SEMA3A: variants seen among roughly 807,000 people sequenced by gnomAD.
SEMA3A encodes semaphorin 3A.
A neutral mutation model predicts 97.9 loss-of-function variants in SEMA3A; 29 were observed. The observed-to-expected ratio is 0.30, with a 90% CI of 0.22 to 0.40. The LOEUF is 0.40. Ranked by LOEUF, SEMA3A falls within the 10% of genes least tolerant of loss-of-function variation. The pLI, the probability that SEMA3A is intolerant of heterozygous loss-of-function variation, is 1.00. For missense variants in SEMA3A, 763 were observed against 951.3 expected, an observed-to-expected ratio of 0.80 and a Z score of 2.60; for synonymous variants, 321 against 323.7, an observed-to-expected ratio of 0.99 and a Z score of 0.09.
At chr7:84,255,912 CT>C (rs1397401102) in intron 3 of SEMA3A, among the ~76,000 whole-genome samples, 4 of 148,116 alleles carry the variant, frequency 2.7e-5, no homozygotes, top group Admixed American at 6.6e-5. Context: ...GCGTCTATCA[CT>C]TTTTAATTCA....
intron 2 of SEMA3A, among the ~76,000 whole-genome samples, chr7:84,358,141 T>C (rs1170263150): frequency 6.6e-6 from 1 of 152,226 alleles, no homozygotes; most frequent in African/African-American, 2.4e-5. Context: ...TTTAGTTTAA[T>C]TTGATCCCAT....
At chr7:84,459,654 G>A (rs1805773879) in intron 1 of SEMA3A, among the ~76,000 whole-genome samples, 2 of 152,212 alleles carry the variant, frequency 1.3e-5, no homozygotes, top group South Asian at 2.1e-4. Context: ...TTCAATAAAG[G>A]TTTTATGATT....
At chr7:84,266,332 A>G (rs978171168) in intron 3 of SEMA3A, among the ~76,000 whole-genome samples, 17 of 151,546 alleles carry the variant, frequency 1.1e-4, no homozygotes, top group Middle Eastern at 6.8e-3. Context: ...AAAAAAAAAA[A>G]AAAAAGAAAA....
intron 1 of SEMA3A, among the ~76,000 whole-genome samples, chr7:84,484,261 G>T (rs969326173): frequency 1.3e-5 from 2 of 152,034 alleles, no homozygotes; most frequent in Non-Finnish European, 2.9e-5. Flanking sequence ...AAAATGTAGT[G>T]TTCTTATAGT....
intron 1 of SEMA3A, among the ~76,000 whole-genome samples, chr7:84,466,111 C>T (rs1805987800): frequency 6.6e-6 from 1 of 152,074 alleles, no homozygotes; most frequent in Non-Finnish European, 1.5e-5. Context: ...AATCAAAATG[C>T]AACTTAGTTT....
chr7:84,357,443 T>C (rs890554405), intron 2 of SEMA3A, among the ~76,000 whole-genome samples: 1 of 152,108 alleles, frequency 6.6e-6, no homozygotes, highest in African/African-American at 2.4e-5. Context: ...GCTTCATCCA[T>C]GTCCCTACAA....
Position 84,424,699 on chromosome 7 carries a change from T to C in SEMA3A, c.-245-52799A>G, listed in dbSNP as rs1453790867. ...AATATATAAATATATAATATATTGATATCAATATATAATATATAAATTATT... is the reference window on the plus strand; with the variant it reads ...AATATATAAATATATAATATATTGACATCAATATATAATATATAAATTATT... On this transcript the variant is annotated intron_variant, in intron 1 of 3. Coordinates refer to the SEMA3A transcript ENST00000424555. 1.0e-3 allele frequency among the ~76,000 whole-genome samples: 64 copies of C among 62,542 alleles called. 1 individual carries two copies. Among genetic ancestry groups the C allele is most frequent in the African/African-American group, 5.3e-3 (55 of 10,460 alleles). The allele number at this position is 62,542 out of a possible 152,430, so 41.0% of individuals were successfully genotyped here. A position where few individuals can be genotyped will look rare whatever the true frequency, so the allele number is the denominator to read the frequency against.
At chr7:83,966,295 G>A (rs1159103580) in intron 15 of SEMA3A, among the ~76,000 whole-genome samples, 1 of 152,144 alleles carries the variant, frequency 6.6e-6, no homozygotes, top group Non-Finnish European at 1.5e-5. Context: ...ATAAGATGGT[G>A]TTTGATTTAG....
chr7:83,975,609 T>C (rs541425612), intron 15 of SEMA3A, among the ~76,000 whole-genome samples: 1 of 152,288 alleles, frequency 6.6e-6, no homozygotes, highest in Admixed American at 6.5e-5. Context: ...CTCATAATGT[T>C]GTATTGATAT....
At chr7:84,116,197 TTATAA>T (rs1485545082) in intron 3 of SEMA3A, among the ~76,000 whole-genome samples, 1 of 152,160 alleles carries the variant, frequency 6.6e-6, no homozygotes, top group East Asian at 1.9e-4. Flanking sequence ...TGTTTTATAG[TTATAA>T]TATAAAATAT....
intron 1 of SEMA3A, among the ~76,000 whole-genome samples, chr7:84,152,369 A>G (rs1796699328): frequency 1.4e-5 from 2 of 140,892 alleles, no homozygotes; most frequent in Admixed American, 1.4e-4. Flanking sequence ...GCCATAAAAA[A>G]TGATGAGTTC....
Position 84,113,608 on chromosome 7 carries a change from G to T in SEMA3A, c.334-3019C>A, listed in dbSNP as rs528906277. Among the ~76,000 whole-genome samples the T allele has an allele frequency of 2.0e-5, 3 of 152,256 alleles. No individual in the cohort carries two copies. The East Asian group carries it at 5.8e-4, about 29-fold the overall frequency. ...TGCTCAGCACTGGAGGATTTACAAT[G>T]TAATAAAGAGAGTGGAATCAGTTCA... On this transcript the variant is annotated intron_variant, in intron 3 of 16. Transcript: ENST00000265362.
chr7:83,991,071 C>T (rs1789904495), intron 12 of SEMA3A, among the ~76,000 whole-genome samples: 1 of 149,682 alleles, frequency 6.7e-6, no homozygotes, highest in Non-Finnish European at 1.5e-5. Flanking sequence ...ATTTTATTCT[C>T]TTTGAAGCAA....
intron 1 of SEMA3A, among the ~76,000 whole-genome samples, chr7:84,490,495 A>T (rs1365378952): frequency 6.6e-6 from 1 of 152,164 alleles, no homozygotes; most frequent in East Asian, 1.9e-4. Context: ...AAGTTAACTG[A>T]AACTTAGGCA....
chr7:84,435,571 G>A (rs945083174), intron 1 of SEMA3A, among the ~76,000 whole-genome samples: 2 of 152,174 alleles, frequency 1.3e-5, no homozygotes, highest in Admixed American at 6.5e-5. Context: ...TCGGGCCAAT[G>A]CCCTCCAGCC....
At chr7:84,264,622 C>A (rs1799945102) in intron 3 of SEMA3A, among the ~76,000 whole-genome samples, 1 of 152,112 alleles carries the variant, frequency 6.6e-6, no homozygotes, top group Non-Finnish European at 1.5e-5. Context: ...AATCAATGCC[C>A]TGGAGCATTA....
Position 83,984,698 on chromosome 7 carries a change from TTAAAACTA to T in SEMA3A, c.1494+730_1494+737del, listed in dbSNP as rs1013365501. 5.9e-4 allele frequency among the ~76,000 whole-genome samples: 84 copies of T among 143,140 alleles called. 1 individual carries two copies. The highest frequency in any genetic ancestry group is 2.1e-3 in the African/African-American group (80 of 38,916). 93.9% of individuals were successfully genotyped at this position (143,140 alleles called of 152,430 possible). On this transcript the variant is annotated intron_variant, in intron 13 of 16. Coordinates refer to ENST00000265362, the MANE Select transcript of SEMA3A (RefSeq NM_006080.3). The stretch of plus-strand genomic sequence containing the variant: ...ACATTTATGGAGAAAATATTAGACA[TTAAAACTA>T]TATTTGTTTACACATATTACACAGT...
At chr7:84,239,108 TAA>T (rs960391552) in intron 3 of SEMA3A, among the ~76,000 whole-genome samples, 26 of 152,274 alleles carry the variant, frequency 1.7e-4, no homozygotes, top group Non-Finnish European at 3.1e-4. Flanking sequence ...AATATTAAAA[TAA>T]GTTTTTAAAA....
chr7:84,387,431 G>GGGAT (rs1803428570), intron 1 of SEMA3A, among the ~76,000 whole-genome samples: 1 of 152,156 alleles, frequency 6.6e-6, no homozygotes, highest in South Asian at 2.1e-4. Flanking sequence ...TAGCGGAAAA[G>GGGAT]GGATGGTGAA....
Sources: allele counts gnomAD v4.1 joint callset (sites outside exome capture counted in the v4.1 genomes callset), GRCh38; gene constraint gnomAD v4.1.1; transcripts MANE v1.5; gene names NCBI Gene and HGNC (gene_info 2026-07-23, HGNC 2026-07-21).